REXO2: variants seen among roughly 807,000 people sequenced by gnomAD.
The protein encoded by REXO2 is RNA exonuclease 2.
REXO2 carries 17 observed loss-of-function variants against 30.9 expected under a neutral mutation model. The ratio of observed to expected loss-of-function variants is 0.55; its 90% CI spans 0.38 to 0.82. The LOEUF (loss-of-function observed/expected upper bound fraction) is 0.82. Among genes scored for constraint, REXO2 ranks in the 40% least tolerant of loss-of-function variants. REXO2 has a pLI of 0.00. For missense variants in REXO2, 253 were observed against 293.2 expected (o/e 0.86, Z 1.00); for synonymous variants, 105 against 99.6 (o/e 1.05, Z -0.32).
intron 3 of REXO2, 96 bp downstream of exon 3, chr11:114,444,029 T>TA: frequency 1.1e-6 from 1 of 876,512 alleles, no homozygotes; most frequent in Non-Finnish European, 1.9e-6. Context: ...GATGGTATTT[T>TA]AAAAAGGCTT....
At chr11:114,440,611 A>G in intron 1 of REXO2, 45 bp from the exon 2 acceptor site, 1 of 1,449,062 alleles carries the variant, frequency 6.9e-7, no homozygotes, top group South Asian at 1.2e-5. Flanking sequence ...AAAAGAGGCC[A>G]GAATGATGGC....
chr11:114,445,806 T>C, intron 4 of REXO2, 173 bp from the exon 5 acceptor site: 1 of 562,730 alleles, frequency 1.8e-6, no homozygotes, highest in Non-Finnish European at 3.2e-6. Context: ...TGGAAATCTG[T>C]ACTTGTAAGC....
intron 5 of REXO2, among the ~76,000 whole-genome samples, 169 bp from the exon 6 acceptor site, chr11:114,447,657 A>G (rs1287938602): frequency 2.0e-5 from 3 of 152,180 alleles, no homozygotes; most frequent in Non-Finnish European, 1.5e-5. Context: ...CATAGAAAAT[A>G]TATAGAAGAA....
At chr11:114,440,017 T>C (rs758351295) in intron 1 of REXO2, 5 of 484,952 alleles carry the variant, frequency 1.0e-5, no homozygotes, top group Non-Finnish European at 1.9e-5. Flanking sequence ...GTTCCCAGCT[T>C]CCCCCAACTA....
At chr11:114,442,091 T>C (rs568118909) in intron 2 of REXO2, among the ~76,000 whole-genome samples, 5 of 151,762 alleles carry the variant, frequency 3.3e-5, no homozygotes, top group Non-Finnish European at 7.4e-5. Context: ...AATTTGGGTA[T>C]GTATTCACAC....
At position 114,439,639 on chromosome 11, in the gene REXO2, G is replaced by T; in HGVS notation, c.111G>T (p.Glu37Asp). 6.3e-7 allele frequency: 1 copy of T among 1,594,676 alleles called. No individual in the cohort carries two copies. The change falls in exon 1 of 7, where the codon GAG (glutamate) becomes GAT (aspartate). Residue 37 changes from glutamate to aspartate, a missense_variant. Transcript: ENST00000265881. The stretch of plus-strand genomic sequence containing the variant: ...GTGGCGCAGCCATGGCGGCAGGGGA[G>T]AGCATGGCTCAGCGGATGGTCTGGG... ...REGGAAMAAG[E>D]SMAQRMVWVD... is the part of the protein sequence containing the mutation.
In REXO2 at chr11:114,442,451, C is replaced by G. The variant is rs183276028; in HGVS notation, c.232-1405C>G. On this transcript the variant is annotated intron_variant, in intron 2 of 6. Transcript: ENST00000265881. ...TATCATAAAACATCTGTTATCCAAG[C>G]AAAATTTTTTGTTTCTTCGCAGAGA... Among the ~76,000 whole-genome samples the G allele has an allele frequency of 5.2e-3, 788 of 151,930 alleles. 3 individuals carry two copies. Among genetic ancestry groups the G allele is most frequent in the Non-Finnish European group, 8.7e-3 (592 of 67,938 alleles).
At position 114,449,908 on chromosome 11, in the gene REXO2, A is replaced by G; in HGVS notation, c.647A>G (p.Lys216Arg). 1 of 1,609,902 alleles carries G rather than the reference A, an allele frequency of 6.2e-7. No homozygotes were observed. Among genetic ancestry groups the G allele is most frequent in the Non-Finnish European group, 8.5e-7 (1 of 1,177,986 alleles). Residue 216 changes from lysine to arginine, a missense_variant, in exon 7 of 7, where the codon AAG becomes AGG. Coordinates refer to ENST00000265881, the MANE Select transcript of REXO2 (RefSeq NM_015523.4). ...CAGTTTTACCGAAATAACATCTTCA[A>G]GAAAAAAATAGATGAAAAGAAGAGG... ...ELQFYRNNIF[K>R]KKIDEKKRKI... is the part of the protein sequence containing the mutation.
At chr11:114,443,997 C>A in intron 3 of REXO2, 64 bp downstream of exon 3, 3 of 1,098,274 alleles carry the variant, frequency 2.7e-6, no homozygotes, top group East Asian at 2.5e-5. Context: ...TGCTCCCACA[C>A]CTGAATCCGA....
chr11:114,440,091 C>T (rs1175517452), intron 1 of REXO2: 5 of 472,024 alleles, frequency 1.1e-5, no homozygotes, highest in East Asian at 1.3e-4. Context: ...CAGCCTTACC[C>T]CTCATTCCAT....
chr11:114,439,677 T>G lies in REXO2; in HGVS notation c.147+2T>G. On this transcript the variant is annotated splice_donor_variant, in intron 1 of 6. Coordinates refer to ENST00000265881, the MANE Select transcript of REXO2 (RefSeq NM_015523.4). LOFTEE classifies it high-confidence loss of function. ...CGGATGGTCTGGGTGGACCTGGAGG[T>G]GAGTGAGGTCGGCGGGGGGCTTGGG... is the stretch of plus-strand genomic sequence containing the variant. 6.6e-7 allele frequency: 1 copy of G among 1,507,532 alleles called. No individual in the cohort carries two copies. Among genetic ancestry groups the G allele is most frequent in the Non-Finnish European group, 8.8e-7 (1 of 1,132,406 alleles). 93.4% of individuals were successfully genotyped at this position (1,507,532 alleles called of 1,614,324 possible). A position where few individuals can be genotyped will look rare whatever the true frequency, so the allele number is the denominator to read the frequency against.
At chr11:114,441,993 C>G in intron 2 of REXO2, 1 of 535,338 alleles carries the variant, frequency 1.9e-6, no homozygotes, top group Non-Finnish European at 3.3e-6. Flanking sequence ...TACCCTTGGC[C>G]GAAGAAGAGT....
Position 114,439,539 on chromosome 11 carries a change from G to A in REXO2, c.11G>A (p.Gly4Asp), listed in dbSNP as rs776476223. The A allele has an allele frequency of 4.3e-5, 69 of 1,606,926 alleles. No homozygotes were observed. The highest frequency in any genetic ancestry group is 5.9e-5 in the Non-Finnish European group (69 of 1,179,412). Reference protein sequence around the residue: MLGGSLGSRLLRGV... With the variant: MLGDSLGSRLLRGV... ...TGCTGGTCCCGGGTGATGCTAGGCG[G>A]CTCCCTGGGCTCCAGGCTGTTGCGG... is the stretch of plus-strand genomic sequence containing the variant. The change falls in exon 1 of 7, where the codon GGC (glycine) becomes GAC (aspartate). Residue 4 changes from glycine (G) to aspartate (D), a missense_variant. Physicochemically the swap from Gly to Asp is moderately conservative, Grantham distance 94. Coordinates refer to ENST00000265881, the MANE Select transcript of REXO2 (RefSeq NM_015523.4).
At chr11:114,440,191 C>T in intron 1 of REXO2, 1 of 458,262 alleles carries the variant, frequency 2.2e-6, no homozygotes, top group Non-Finnish European at 4.4e-6. Context: ...GAACCCAGTT[C>T]CTATCCCTTC....
In REXO2 at chr11:114,442,684, T is replaced by C. The variant is rs1445397381; in HGVS notation, c.232-1172T>C. On this transcript the variant is annotated intron_variant, in intron 2 of 6. Coordinates refer to ENST00000265881, the MANE Select transcript of REXO2 (RefSeq NM_015523.4). ...TATAATTTCTTTTATCCTGTTAACA[T>C]TTCTATGAGGGAAGGGGTACAGTTT... Among the ~76,000 whole-genome samples, 4 of 152,178 alleles carry C rather than the reference T, an allele frequency of 2.6e-5. No individual in the cohort carries two copies. The East Asian group carries it at 7.7e-4, about 29-fold the overall frequency.
chr11:114,441,658 T>A (rs17630335), intron 2 of REXO2: 23,251 of 691,212 alleles, frequency 0.034, 586 homozygotes, highest in Non-Finnish European at 0.047. Context: ...TTAAAATAAG[T>A]TCCTAGAGGG....
chr11:114,442,322 A>C (rs1421742805), intron 2 of REXO2, among the ~76,000 whole-genome samples: 1 of 152,058 alleles, frequency 6.6e-6, no homozygotes, highest in Non-Finnish European at 1.5e-5. Context: ...GATCTAAAAT[A>C]GTTTGTAGTA....
chr11:114,447,918 C>T, intron 6 of REXO2, 39 bp downstream of exon 6: 1 of 1,525,142 alleles, frequency 6.6e-7, no homozygotes, highest in Non-Finnish European at 9.0e-7. Context: ...CAGTCTGACA[C>T]ACACTTAACT....
intron 3 of REXO2, 198 bp downstream of exon 3, chr11:114,444,131 CT>C: frequency 4.6e-6 from 3 of 657,326 alleles, no homozygotes; most frequent in South Asian, 1.5e-5. Context: ...TGAATGTCCT[CT>C]TTTTTTTCTC....
Sources: gnomAD v4.1 joint callset for allele counts (sites outside exome capture counted in the v4.1 genomes callset) on GRCh38, gnomAD v4.1.1 for gene constraint, MANE v1.5 for transcripts, NCBI Gene and HGNC (gene_info 2026-07-23, HGNC 2026-07-21) for gene names.